BACH2: variants seen among roughly 807,000 people sequenced by gnomAD.
BACH2 encodes the protein BACH transcriptional regulator 2, also known as transcription regulator protein BACH2.
In BACH2, 5 loss-of-function variants were observed where a neutral mutation model predicts 61.8. That is an observed-to-expected ratio of 0.08 (90% CI 0.04 to 0.17). The LOEUF (loss-of-function observed/expected upper bound fraction) is 0.17. Ranked by LOEUF, BACH2 falls within the 10% of genes least tolerant of loss-of-function variation. BACH2 has a pLI of 1.00. For missense variants in BACH2, 824 were observed against 1,091.1 expected (o/e 0.76, Z 3.45); for synonymous variants, 446 against 440.1 (o/e 1.01, Z -0.17).
intron 6 of BACH2, among the ~76,000 whole-genome samples, chr6:89,969,050 C>CTTT (rs76254643): frequency 0.012 from 1,325 of 113,940 alleles, 21 homozygotes; most frequent in East Asian, 0.03. Flanking sequence ...AAAATGTAGT[C>CTTT]TTTTTTTTTT....
At chr6:90,167,027 G>A (rs1398250176) in intron 4 of BACH2, among the ~76,000 whole-genome samples, 2 of 152,120 alleles carry the variant, frequency 1.3e-5, no homozygotes, top group Non-Finnish European at 2.9e-5. Flanking sequence ...TGCACGTTGT[G>A]CACATGTACC....
intron 4 of BACH2, among the ~76,000 whole-genome samples, chr6:90,094,815 T>A (rs1330678108): frequency 1.3e-5 from 2 of 152,022 alleles, no homozygotes; most frequent in Admixed American, 1.3e-4. Context: ...CTGCCCTAAG[T>A]CAGACTTTTG....
rs1378312817 is a variant in BACH2 at position 90,255,756 on chromosome 6, C to T, written c.-352-3166G>A. On this transcript the variant is annotated intron_variant, in intron 2 of 8. Coordinates refer to ENST00000257749, the MANE Select transcript of BACH2 (RefSeq NM_021813.4). ...AGAGAAAAGTGCAAGATAAATGGTT[C>T]ATCTGAACAATGGGTGGTTTCACAG... 8.5e-5 allele frequency among the ~76,000 whole-genome samples: 13 copies of T among 152,260 alleles called. 1 individual carries two copies. Among genetic ancestry groups the T allele is most frequent in the African/African-American group, 2.6e-4 (11 of 41,570 alleles).
At chr6:90,229,469 AAG>A (rs201140692) in intron 3 of BACH2, among the ~76,000 whole-genome samples, 1 of 146,992 alleles carries the variant, frequency 6.8e-6, no homozygotes, top group Non-Finnish European at 1.5e-5. Context: ...CAAAAAAAAA[AAG>A]AAAAAAAAAA....
chr6:90,184,740 T>C (rs1768292958), intron 4 of BACH2, among the ~76,000 whole-genome samples: 1 of 152,216 alleles, frequency 6.6e-6, no homozygotes, highest in South Asian at 2.1e-4. Context: ...CTGCAGACTC[T>C]ACCTGCTTTC....
intron 6 of BACH2, among the ~76,000 whole-genome samples, chr6:90,006,285 G>A (rs1253782823): frequency 6.6e-6 from 1 of 152,174 alleles, no homozygotes; most frequent in Admixed American, 6.5e-5. Context: ...GCTGTGCTGA[G>A]AATTTTTGTA....
At chr6:90,054,142 C>T (rs576350204) in intron 5 of BACH2, among the ~76,000 whole-genome samples, 229 of 152,270 alleles carry the variant, frequency 1.5e-3, no homozygotes, top group African/African-American at 5.1e-3. Context: ...TGCAGCGCAC[C>T]GTGCACGAGC....
chr6:90,151,214 T>A (rs1302473286), intron 4 of BACH2, among the ~76,000 whole-genome samples: 1 of 152,220 alleles, frequency 6.6e-6, no homozygotes, highest in Admixed American at 6.5e-5. Context: ...AATGTCATCT[T>A]CTGAATGTTG....
chr6:90,047,911 T>C (rs1227980254), intron 5 of BACH2, among the ~76,000 whole-genome samples: 4 of 152,116 alleles, frequency 2.6e-5, no homozygotes. Context: ...ATCTAGGGGC[T>C]CCCCTGAAAG....
intron 2 of BACH2, among the ~76,000 whole-genome samples, chr6:90,263,973 G>A (rs1365665883): frequency 1.3e-5 from 2 of 152,104 alleles, no homozygotes; most frequent in African/African-American, 2.4e-5. Flanking sequence ...TATAACCCTG[G>A]CCAAAACACT....
chr6:90,228,740 A>G lies in BACH2; in HGVS notation c.-274-22059T>C, dbSNP rs189917697. 2.1e-3 allele frequency among the ~76,000 whole-genome samples: 320 copies of G among 152,338 alleles called. 3 individuals carry two copies. Among genetic ancestry groups the G allele is most frequent in the African/African-American group, 7.0e-3 (293 of 41,580 alleles). On this transcript the variant is annotated intron_variant, in intron 3 of 8. Coordinates refer to ENST00000257749, the MANE Select transcript of BACH2 (RefSeq NM_021813.4). ...GGTGACAGCAAGACACTGTCTCAAG[A>G]AAAAACAGTTTTAAAAGGTAAAACA...
At chr6:90,064,193 T>C (rs567451707) in intron 5 of BACH2, among the ~76,000 whole-genome samples, 6 of 152,254 alleles carry the variant, frequency 3.9e-5, no homozygotes, top group Non-Finnish European at 7.4e-5. Flanking sequence ...TATGTGCCAT[T>C]TGAGTAGCAT....
intron 3 of BACH2, among the ~76,000 whole-genome samples, chr6:90,240,039 G>A (rs897766926): frequency 1.2e-4 from 18 of 151,964 alleles, no homozygotes; most frequent in Admixed American, 1.2e-3. Context: ...CTTCTATATT[G>A]TTACAGAAAA....
intron 6 of BACH2, among the ~76,000 whole-genome samples, chr6:89,968,569 A>G (rs540481907): frequency 3.9e-5 from 6 of 152,390 alleles, no homozygotes; most frequent in African/African-American, 1.4e-4. Context: ...TCATTAGATC[A>G]CAGAAAGGCT....
intron 3 of BACH2, among the ~76,000 whole-genome samples, chr6:90,213,225 C>T (rs1769417299): frequency 6.6e-6 from 1 of 152,160 alleles, no homozygotes; most frequent in African/African-American, 2.4e-5. Flanking sequence ...TCAGCTCTAG[C>T]CCCAGCAAAG....
intron 4 of BACH2, among the ~76,000 whole-genome samples, chr6:90,154,020 C>T (rs949833654): frequency 6.6e-5 from 10 of 152,300 alleles, no homozygotes; most frequent in African/African-American, 2.4e-4. Flanking sequence ...CATCCACACC[C>T]TAAAAAGAAC....
intron 4 of BACH2, among the ~76,000 whole-genome samples, chr6:90,189,796 A>C (rs1253742915): frequency 6.6e-6 from 1 of 152,106 alleles, no homozygotes; most frequent in Non-Finnish European, 1.5e-5. Context: ...CAGGTTGGTT[A>C]ATCTGCTGAG....
At chr6:90,249,901 A>T (rs1001623487) in intron 3 of BACH2, among the ~76,000 whole-genome samples, 1 of 152,232 alleles carries the variant, frequency 6.6e-6, no homozygotes, top group Non-Finnish European at 1.5e-5. Flanking sequence ...TGAATACTCC[A>T]CAGAACAAGA....
At chr6:90,143,584 A>G (rs995621775) in intron 4 of BACH2, among the ~76,000 whole-genome samples, 4 of 151,752 alleles carry the variant, frequency 2.6e-5, no homozygotes, top group Non-Finnish European at 5.9e-5. Flanking sequence ...TCTCTTCAAC[A>G]CTTCCTTCTG....
Sources: allele counts gnomAD v4.1 joint callset (sites outside exome capture counted in the v4.1 genomes callset), GRCh38; gene constraint gnomAD v4.1.1; transcripts MANE v1.5; gene names NCBI Gene and HGNC (gene_info 2026-07-23, HGNC 2026-07-21).